Variants in SPATA31G1 observed in about 807,000 individuals in gnomAD.
The protein encoded by SPATA31G1 is spermatogenesis-associated protein 31G1.
chr9:35,045,113 C>T, the SPATA31G1 span: 1 of 1,614,194 alleles, frequency 6.2e-7, no homozygotes, highest in Non-Finnish European at 8.5e-7. Flanking sequence ...TCCCTTCCTG[C>T]CCACCACAGC....
the SPATA31G1 span, chr9:35,042,690 T>C: frequency 2.6e-6 from 3 of 1,158,718 alleles, no homozygotes; most frequent in Non-Finnish European, 3.7e-6. Flanking sequence ...AAATGAGGAC[T>C]GGGTAATGAC....
chr9:35,043,127 C>T, the SPATA31G1 span: 1 of 1,614,208 alleles, frequency 6.2e-7, no homozygotes. Flanking sequence ...CTTCCAGATC[C>T]TTCCCCATCT....
the SPATA31G1 span, chr9:35,044,024 T>G: frequency 6.2e-7 from 1 of 1,613,556 alleles, no homozygotes; most frequent in Non-Finnish European, 8.5e-7. Context: ...TTTGGGTCCC[T>G]GCAGACCCAG....
the SPATA31G1 span, chr9:35,041,332 A>T: frequency 8.9e-6 from 2 of 225,852 alleles, no homozygotes; most frequent in Non-Finnish European, 1.8e-5. Context: ...TCTTTGAATA[A>T]ATTTTGCTTC....
At chr9:35,043,509 G>C in the SPATA31G1 span, 9 of 1,613,966 alleles carry the variant, frequency 5.6e-6, no homozygotes, top group Non-Finnish European at 7.6e-6. Context: ...CTTCCCTGTG[G>C]ACCACAAGGG....
At chr9:35,042,819 GA>G in the SPATA31G1 span, 1 of 1,583,626 alleles carries the variant, frequency 6.3e-7, no homozygotes. Context: ...TTGTGTATCT[GA>G]AAAGGCTTCA....
At chr9:35,043,091 G>C in the SPATA31G1 span, 5 of 1,614,198 alleles carry the variant, frequency 3.1e-6, no homozygotes, top group Non-Finnish European at 4.2e-6. Context: ...GGATACCAGA[G>C]CAAACAGTCA....
the SPATA31G1 span, chr9:35,043,492 T>C: frequency 2.5e-6 from 4 of 1,614,168 alleles, no homozygotes; most frequent in Non-Finnish European, 2.5e-6. Flanking sequence ...CTCCTCCATC[T>C]GAGGCCCTTC....
the SPATA31G1 span, chr9:35,042,159 G>A: frequency 6.7e-7 from 1 of 1,486,992 alleles, no homozygotes; most frequent in Non-Finnish European, 9.0e-7. Context: ...AATTCAGGGA[G>A]AAGGCTGTTA....
chr9:35,043,523 T>A, the SPATA31G1 span: 4 of 1,614,078 alleles, frequency 2.5e-6, no homozygotes, highest in Non-Finnish European at 3.4e-6. Context: ...ACAAGGGAGT[T>A]TTATCTGGCG....
chr9:35,042,799 A>G, the SPATA31G1 span: 1 of 1,564,592 alleles, frequency 6.4e-7, no homozygotes, highest in South Asian at 1.2e-5. Context: ...TGAGTGCCTC[A>G]TAGCAAACCT....
chr9:35,044,238 G>T, the SPATA31G1 span: 1 of 1,614,092 alleles, frequency 6.2e-7, no homozygotes, highest in Non-Finnish European at 8.5e-7. Flanking sequence ...GGAATGCCTC[G>T]CTACATCAGA....
At chr9:35,042,941 A>G in the SPATA31G1 span, 16 of 1,614,178 alleles carry the variant, frequency 9.9e-6, no homozygotes, top group African/African-American at 1.3e-5. Context: ...AAGGGGAAGA[A>G]GAGGAAGAGG....
chr9:35,044,810 C>G, the SPATA31G1 span: 1 of 1,614,180 alleles, frequency 6.2e-7, no homozygotes, highest in Non-Finnish European at 8.5e-7. Context: ...ATCCCCTACA[C>G]CCAGTACCCC....
the SPATA31G1 span, chr9:35,045,855 A>C: frequency 4.4e-6 from 7 of 1,605,472 alleles, no homozygotes; most frequent in South Asian, 7.8e-5. Flanking sequence ...CCTACCCACC[A>C]AATCTAGTCA....
At chr9:35,041,183 G>A in the SPATA31G1 span, 1 of 450,264 alleles carries the variant, frequency 2.2e-6, no homozygotes, top group Non-Finnish European at 4.5e-6. Context: ...ATAAGGAAGA[G>A]GAACAGGCTA....
chr9:35,042,698 GA>G, the SPATA31G1 span: 1 of 1,160,086 alleles, frequency 8.6e-7, no homozygotes, highest in African/African-American at 1.5e-5. Flanking sequence ...ACTGGGTAAT[GA>G]CCATTAACAC....
At chr9:35,045,819 G>C in the SPATA31G1 span, 1 of 1,613,726 alleles carries the variant, frequency 6.2e-7, no homozygotes, top group Non-Finnish European at 8.5e-7. Flanking sequence ...AAAGGTGTTA[G>C]CCAAATGCCT....
At chr9:35,045,526 C>A in the SPATA31G1 span, 1 of 1,614,018 alleles carries the variant, frequency 6.2e-7, no homozygotes, top group African/African-American at 1.3e-5. Context: ...TTGGGGTTAT[C>A]CACAGTCACA....
Sources: gnomAD v4.1 joint callset for allele counts on GRCh38, gnomAD v4.1.1 for gene constraint, MANE v1.5 for transcripts, NCBI Gene and HGNC (gene_info 2026-07-23, HGNC 2026-07-21) for gene names.